DNAH12: variants seen among roughly 807,000 people sequenced by gnomAD.
DNAH12 encodes dynein axonemal heavy chain 12, also known as axonemal beta dynein heavy chain 12.
In DNAH12, 285 loss-of-function variants were observed where a neutral mutation model predicts 371.5. That is an observed-to-expected ratio of 0.77 (90% CI 0.70 to 0.85). The LOEUF (loss-of-function observed/expected upper bound fraction) is 0.85, where lower values mean the gene tolerates loss of function less well. Ranked by LOEUF, DNAH12 falls within the 40% of genes least tolerant of loss-of-function variation. The pLI is 0.00. For synonymous variants in DNAH12, 1,200 were observed against 1,213.0 expected (o/e 0.99, Z 0.22); for missense variants, 3,611 against 3,689.4 (o/e 0.98, Z 0.55).
rs9681897 is a variant in DNAH12 at position 57,480,809 on chromosome 3, A to T, written c.1650+2567T>A. Among the ~76,000 whole-genome samples, 133 of 152,008 alleles carry T rather than the reference A, an allele frequency of 8.7e-4. 2 individuals carry two copies. The highest frequency in any genetic ancestry group is 2.3e-3 in the African/African-American group (95 of 41,440). ...TCATCCAGCATATAAACAGAACCAAAGACAAAAACCATATGATTATCTCAA... is the reference window on the plus strand; with the variant it reads ...TCATCCAGCATATAAACAGAACCAATGACAAAAACCATATGATTATCTCAA... On this transcript the variant is annotated intron_variant, in intron 13 of 73. Coordinates refer to ENST00000495027, the MANE Select transcript of DNAH12 (RefSeq NM_001366028.2).
intron 66 of DNAH12, among the ~76,000 whole-genome samples, chr3:57,311,200 C>T (rs920793586): frequency 2.6e-5 from 4 of 152,096 alleles, no homozygotes; most frequent in South Asian, 2.1e-4. Context: ...CTCAGCCTCC[C>T]AGGTAGCTGG....
chr3:57,440,568 T>C lies in DNAH12; in HGVS notation c.4546-3508A>G, dbSNP rs375420853. On this transcript the variant is annotated intron_variant, in intron 29 of 73. Coordinates refer to ENST00000495027, the MANE Select transcript of DNAH12 (RefSeq NM_001366028.2). ...GGAACAAGGGCTGAAAAACTAACTA[T>C]TGGGTACTATGCTCAGTACCTGGGT... 2.0e-5 allele frequency among the ~76,000 whole-genome samples: 3 copies of C among 152,306 alleles called. No individual in the cohort carries two copies. In the South Asian group the frequency reaches 6.2e-4, roughly 32 times the overall value.
At chr3:57,528,048 G>C (rs1365799568) in intron 2 of DNAH12, among the ~76,000 whole-genome samples, 1 of 151,684 alleles carries the variant, frequency 6.6e-6, no homozygotes, top group African/African-American at 2.4e-5. Flanking sequence ...TTTTTTTTGA[G>C]ACAGAGTTTC....
chr3:57,495,005 T>A (rs988887747), intron 11 of DNAH12, among the ~76,000 whole-genome samples: 1 of 85,096 alleles, frequency 1.2e-5, no homozygotes, highest in African/African-American at 4.2e-5. Flanking sequence ...CAAGACCCTG[T>A]CTCAAAAAAA....
At chr3:57,340,515 A>C (rs1170949372) in intron 60 of DNAH12, among the ~76,000 whole-genome samples, 1 of 152,182 alleles carries the variant, frequency 6.6e-6, no homozygotes, top group Non-Finnish European at 1.5e-5. Flanking sequence ...AGAGACTATT[A>C]TAAACAATTA....
At chr3:57,320,010 G>T (rs989032388) in intron 65 of DNAH12, among the ~76,000 whole-genome samples, 7 of 152,060 alleles carry the variant, frequency 4.6e-5, no homozygotes, top group Non-Finnish European at 1.0e-4. Flanking sequence ...TTTATAAGTT[G>T]AATCATTTTA....
intron 9 of DNAH12, 40 bp downstream of exon 9, chr3:57,503,976 A>G (rs1396854749): frequency 2.6e-5 from 40 of 1,538,346 alleles, no homozygotes; most frequent in Non-Finnish European, 3.5e-5. Context: ...TTCAATTCAA[A>G]TAATTTAAAA....
rs979516238 is a variant in DNAH12, at chr3:57,477,671, C to T, written c.1651-5000G>A. ...CCGAGTAGCCTAACTGGGAGGCACC[C>T]CCCAGTAGGGGCAGACTGACACCTC... is the stretch of plus-strand genomic sequence containing the variant. On this transcript the variant is annotated intron_variant, in intron 13 of 73. Coordinates refer to ENST00000495027, the MANE Select transcript of DNAH12 (RefSeq NM_001366028.2). 2.6e-5 allele frequency among the ~76,000 whole-genome samples: 4 copies of T among 152,270 alleles called. No homozygotes were observed. The East Asian group carries it at 7.8e-4, about 30-fold the overall frequency.
At chr3:57,447,595 TTTTAC>T (rs752754805) in intron 25 of DNAH12, among the ~76,000 whole-genome samples, 18 of 149,152 alleles carry the variant, frequency 1.2e-4, no homozygotes, top group Non-Finnish European at 2.1e-4. Context: ...TGATAAATAT[TTTTAC>T]TTTATTTTTA....
rs181633694 is a variant in DNAH12, at chr3:57,302,645, G to A, written c.11190-706C>T. On this transcript the variant is annotated intron_variant, in intron 69 of 73. Transcript: ENST00000495027. ...GGCTGGAGTGCAGCGGCATGATCTC[G>A]GCTCACTGCAACCTCCCCCTCCCAG... 1.5e-3 allele frequency among the ~76,000 whole-genome samples: 194 copies of A among 132,200 alleles called. 1 individual carries two copies. Among genetic ancestry groups the A allele is most frequent in the African/African-American group, 5.2e-3 (180 of 34,650 alleles). The allele number at this position is 132,200 out of a possible 152,430, so 86.7% of individuals were successfully genotyped here.
chr3:57,393,158 TC>T (rs2063660941), intron 44 of DNAH12, among the ~76,000 whole-genome samples: 1 of 152,182 alleles, frequency 6.6e-6, no homozygotes, highest in African/African-American at 2.4e-5. Context: ...AGAACTCTTA[TC>T]TGTGCTGCCA....
intron 13 of DNAH12, among the ~76,000 whole-genome samples, chr3:57,473,435 G>A (rs138186463): frequency 0.01 from 1,527 of 151,750 alleles, 16 homozygotes; most frequent in African/African-American, 0.033. Context: ...GCAGTGGGCC[G>A]AGATTGTGCC....
At chr3:57,415,317 T>C (rs2153357520) in intron 38 of DNAH12, 109 bp downstream of exon 38, 1 of 1,391,822 alleles carries the variant, frequency 7.2e-7, no homozygotes, top group East Asian at 2.7e-5. Flanking sequence ...ATTTGAAAGT[T>C]TTAAATTCAT....
At chr3:57,461,856 A>G (rs1245242954) in intron 18 of DNAH12, among the ~76,000 whole-genome samples, 167 bp from the exon 19 acceptor site, 2 of 152,220 alleles carry the variant, frequency 1.3e-5, no homozygotes, top group African/African-American at 4.8e-5. Context: ...TTTTTCAACA[A>G]TTTAAAAATT....
Position 57,323,016 on chromosome 3 carries a change from T to C in DNAH12, c.10374A>G (p.Pro3458=), listed in dbSNP as rs763441338. The change falls in exon 64 of 74, where the codon CCA becomes CCG. Residue 3458 remains proline (P), a synonymous_variant. Transcript: ENST00000495027. Reference sequence around the variant, plus strand: ...AAGGAAATAAACATACTTTTGAAGATGGATAGCTTGTCAGCCAAAGCCTAA... The same window carrying C: ...AAGGAAATAAACATACTTTTGAAGACGGATAGCTTGTCAGCCAAAGCCTAA... ...SSFRLWLTSY[P]SSKFPVTILQ... The C allele has an allele frequency of 5.2e-6, 8 of 1,551,990 alleles. No individual in the cohort carries two copies. In the Admixed American group the frequency reaches 7.8e-5, roughly 15 times the overall value.
At chr3:57,334,654 C>G in intron 61 of DNAH12, 45 bp from the exon 62 acceptor site, 3 of 1,516,780 alleles carry the variant, frequency 2.0e-6, no homozygotes, top group Non-Finnish European at 2.6e-6. Context: ...TTGGGAAAAA[C>G]TTAAAAGAGA....
At chr3:57,393,625 CAAAA>C (rs1180952196) in intron 44 of DNAH12, among the ~76,000 whole-genome samples, 14 of 64,274 alleles carry the variant, frequency 2.2e-4, no homozygotes, top group African/African-American at 6.1e-4. Flanking sequence ...GACTCTGTCT[CAAAA>C]AAAAAAAAAA....
chr3:57,538,162 A>G (rs1471980140), intron 2 of DNAH12, among the ~76,000 whole-genome samples: 1 of 152,254 alleles, frequency 6.6e-6, no homozygotes. Flanking sequence ...GAATTCAGTA[A>G]GAGGTAAAGT....
chr3:57,334,569 A>T lies in DNAH12; in HGVS notation c.9874T>A (p.Tyr3292Asn). The T allele has an allele frequency of 6.5e-7, 1 of 1,550,176 alleles. No homozygotes were observed. The highest frequency in any genetic ancestry group is 8.7e-7 in the Non-Finnish European group (1 of 1,146,770). Residue 3292 changes from tyrosine (Y) to asparagine (N), a missense_variant, in exon 62 of 74, where the codon TAT (tyrosine) becomes AAT (asparagine). Transcript: ENST00000495027. ...GCATTATGTGGCTCTTTACTGTCAT[A>T]GATTTCTCGCCATTCATATATATGT... ...CEHIYEWREI[Y>N]DSKEPHNAKF...
Sources: gnomAD v4.1 joint callset for allele counts (sites outside exome capture counted in the v4.1 genomes callset) on GRCh38, gnomAD v4.1.1 for gene constraint, MANE v1.5 for transcripts, NCBI Gene and HGNC (gene_info 2026-07-23, HGNC 2026-07-21) for gene names.